Variants in FBLN2 observed in about 807,000 individuals in gnomAD.
FBLN2 encodes the protein fibulin 2.
FBLN2 carries 81 observed loss-of-function variants against 123.7 expected under a neutral mutation model. The observed-to-expected ratio is 0.65, with a 90% CI of 0.55 to 0.79. FBLN2 has a LOEUF of 0.79. FBLN2 is among the 30% of genes least tolerant of loss of function. The pLI is 0.00. For missense variants in FBLN2, 1,603 were observed against 1,681.3 expected, an observed-to-expected ratio of 0.95 and a Z score of 0.81; for synonymous variants, 699 against 701.4, an observed-to-expected ratio of 1.00 and a Z score of 0.05.
At chr3:13,599,876 G>A (rs1194816386) in intron 2 of FBLN2, among the ~76,000 whole-genome samples, 1 of 151,314 alleles carries the variant, frequency 6.6e-6, no homozygotes, top group Non-Finnish European at 1.5e-5. Context: ...ATGTGCATGT[G>A]ACATGGGGGG....
intron 1 of FBLN2, among the ~76,000 whole-genome samples, chr3:13,561,515 C>A (rs1051532763): frequency 6.6e-6 from 1 of 151,984 alleles, no homozygotes; most frequent in Non-Finnish European, 1.5e-5. Context: ...TGCAGTGTGT[C>A]AGGCTGGTTT....
intron 2 of FBLN2, among the ~76,000 whole-genome samples, chr3:13,597,760 C>G (rs1245528387): frequency 6.6e-6 from 1 of 152,226 alleles, no homozygotes; most frequent in Non-Finnish European, 1.5e-5. Context: ...CTCTGTGCCA[C>G]TTGGCGTGGG....
Position 13,576,726 on chromosome 3 carries a change from C to A in FBLN2, c.1306+5065C>A, listed in dbSNP as rs73818030. Among the ~76,000 whole-genome samples, 324 of 151,988 alleles carry A rather than the reference C, an allele frequency of 2.1e-3. 5 individuals are homozygous for A. Among genetic ancestry groups the A allele is most frequent in the African/African-American group, 5.3e-3 (218 of 41,388 alleles). On this transcript the variant is annotated intron_variant, in intron 2 of 17. Coordinates refer to ENST00000404922, the MANE Select transcript of FBLN2 (RefSeq NM_001004019.2). ...GAAGGGGTGGTCAGGGGGATCCCCC[C>A]CCCCCGGGTTCACTCATTTATCCAC...
intron 1 of FBLN2, chr3:13,568,754 A>C: frequency 9.1e-6 from 9 of 985,498 alleles, no homozygotes; most frequent in Non-Finnish European, 1.1e-5. Flanking sequence ...CCCTTCATTT[A>C]TTTCATCATG....
chr3:13,553,410 C>T (rs999195523), intron 1 of FBLN2, among the ~76,000 whole-genome samples: 8 of 152,092 alleles, frequency 5.3e-5, no homozygotes, highest in South Asian at 2.1e-4. Flanking sequence ...AGTCACATAG[C>T]GACTGAGGAG....
At chr3:13,568,720 C>T (rs558831348) in intron 1 of FBLN2, 4 of 970,126 alleles carry the variant, frequency 4.1e-6, no homozygotes, top group African/African-American at 3.5e-5. Flanking sequence ...GACACTGCCA[C>T]GTCCTCCTTC....
chr3:13,553,710 C>T (rs1480004565), intron 1 of FBLN2, among the ~76,000 whole-genome samples: 1 of 152,242 alleles, frequency 6.6e-6, no homozygotes, highest in Admixed American at 6.5e-5. Flanking sequence ...GGGTGGGGAG[C>T]CTGGCTTTCC....
intron 2 of FBLN2, among the ~76,000 whole-genome samples, chr3:13,583,009 A>C (rs1170281544): frequency 3.3e-5 from 5 of 152,272 alleles, no homozygotes; most frequent in African/African-American, 4.8e-5. Flanking sequence ...CCAGATGTGC[A>C]GCAGCGTGTT....
intron 15 of FBLN2, 129 bp downstream of exon 15, chr3:13,630,944 A>G (rs1706234583): frequency 4.2e-6 from 3 of 719,724 alleles, no homozygotes; most frequent in Non-Finnish European, 7.0e-6. Flanking sequence ...TTCAAGCCCC[A>G]GCCCTGCAGT....
intron 2 of FBLN2, among the ~76,000 whole-genome samples, chr3:13,595,796 A>G (rs530787099): frequency 2.0e-5 from 3 of 152,338 alleles, no homozygotes; most frequent in African/African-American, 2.4e-5. Context: ...CCATTGTCCT[A>G]TGATCAAAGG....
At chr3:13,552,233 C>T (rs1437388007) in intron 1 of FBLN2, among the ~76,000 whole-genome samples, 1 of 152,072 alleles carries the variant, frequency 6.6e-6, no homozygotes, top group Non-Finnish European at 1.5e-5. Context: ...TGTGGGGATC[C>T]ATGCAGCTTC....
chr3:13,622,974 C>A (rs1568307), intron 9 of FBLN2, among the ~76,000 whole-genome samples: 117,882 of 152,124 alleles, frequency 0.77, 46,171 homozygotes, highest in East Asian at 0.98. Flanking sequence ...GGATCAGAAC[C>A]TAGTGCGTTC....
intron 5 of FBLN2, among the ~76,000 whole-genome samples, chr3:13,615,649 G>A (rs1442121407): frequency 2.0e-5 from 3 of 152,210 alleles, no homozygotes; most frequent in African/African-American, 7.2e-5. Context: ...AAGGGCTTTT[G>A]GCAGTGCCTA....
chr3:13,595,923 A>T (rs1255510394), intron 2 of FBLN2, among the ~76,000 whole-genome samples: 1 of 152,150 alleles, frequency 6.6e-6, no homozygotes, highest in East Asian at 1.9e-4. Context: ...GTCCTTCCCC[A>T]AGATAGCCAC....
intron 2 of FBLN2, among the ~76,000 whole-genome samples, chr3:13,586,844 TA>T (rs112752854): frequency 0.22 from 32,123 of 144,772 alleles, 4,582 homozygotes; most frequent in East Asian, 0.44. Context: ...ATTTAAAAGT[TA>T]AAAAAAAAAA....
At chr3:13,611,816 C>T (rs1298982765) in intron 4 of FBLN2, among the ~76,000 whole-genome samples, 3 of 152,230 alleles carry the variant, frequency 2.0e-5, no homozygotes, top group African/African-American at 7.2e-5. Context: ...GGAGCTTCAT[C>T]TCCTGGCTAC....
At chr3:13,596,719 C>G (rs1427976991) in intron 2 of FBLN2, among the ~76,000 whole-genome samples, 1 of 152,014 alleles carries the variant, frequency 6.6e-6, no homozygotes, top group Non-Finnish European at 1.5e-5. Flanking sequence ...TCCCTATATC[C>G]CCACTCCCAG....
intron 1 of FBLN2, among the ~76,000 whole-genome samples, chr3:13,565,723 G>A (rs73148611): frequency 0.042 from 6,396 of 152,310 alleles, 444 homozygotes; most frequent in African/African-American, 0.15. Context: ...CCTGGACAGT[G>A]ACTGGCCCGG....
chr3:13,593,543 G>A (rs570058343), intron 2 of FBLN2, among the ~76,000 whole-genome samples: 15 of 151,938 alleles, frequency 9.9e-5, no homozygotes, highest in Admixed American at 3.9e-4. Flanking sequence ...GTGAAACCCC[G>A]TCTCTACTAA....
Sources: allele counts gnomAD v4.1 joint callset (sites outside exome capture counted in the v4.1 genomes callset), GRCh38; gene constraint gnomAD v4.1.1; transcripts MANE v1.5; gene names NCBI Gene and HGNC (gene_info 2026-07-23, HGNC 2026-07-21).